The following RANBP10 variants were observed in gnomAD, a reference collection of about 807,000 sequenced individuals.
RANBP10 encodes ran-binding protein 10.
RANBP10 carries 24 observed loss-of-function variants against 72.8 expected under a neutral mutation model. The observed-to-expected ratio is 0.33, with a 90% CI of 0.24 to 0.46. The LOEUF is 0.46. Ranked by LOEUF, RANBP10 falls within the 20% of genes least tolerant of loss-of-function variation. The probability of loss-of-function intolerance (pLI) is 1.00; values close to 1 mark genes in which losing one functional copy is unlikely to be tolerated. For synonymous variants in RANBP10, 310 were observed against 322.3 expected (o/e 0.96, Z 0.41); for missense variants, 679 against 817.5 (o/e 0.83, Z 2.07).
rs2054419809 is a variant in RANBP10, at chr16:67,762,574, GA to G, written c.400+9459del. The stretch of plus-strand genomic sequence containing the variant: ...AATGTGAGTCAGGAGTGGATTCAAT[GA>G]CACTTAGTCCTGACATACAGAAAAG... On this transcript the variant is annotated intron_variant, in intron 3 of 13. Transcript: ENST00000317506. 2.0e-5 allele frequency: 3 copies of G among 152,136 alleles called. No homozygotes were observed. In the South Asian group the frequency reaches 6.2e-4, roughly 31 times the overall value. 9.4% of individuals were successfully genotyped at this position (152,136 alleles called of 1,614,324 possible).
chr16:67,760,757 G>A (rs760467225), intron 3 of RANBP10, among the ~76,000 whole-genome samples: 1 of 152,154 alleles, frequency 6.6e-6, no homozygotes, highest in Non-Finnish European at 1.5e-5. Flanking sequence ...ATGTCACACC[G>A]AGCGAACAGC....
chr16:67,751,943 A>G (rs2143007975), intron 3 of RANBP10, among the ~76,000 whole-genome samples: 1 of 152,216 alleles, frequency 6.6e-6, no homozygotes, highest in East Asian at 1.9e-4. Context: ...GGCTATAAAT[A>G]TGGATTTTAA....
At position 67,729,608 on chromosome 16, in the gene RANBP10, A is replaced by G; in HGVS notation, c.1147+72T>C. 1 of 1,560,110 alleles carries G rather than the reference A, an allele frequency of 6.4e-7. No individual in the cohort carries two copies. Among genetic ancestry groups the G allele is most frequent in the Non-Finnish European group, 8.7e-7 (1 of 1,153,742 alleles). On this transcript the variant is annotated intron_variant, in intron 9 of 13. Coordinates refer to ENST00000317506, the MANE Select transcript of RANBP10 (RefSeq NM_020850.3). The surrounding 1 kb of genome is among the most constrained non-coding windows in gnomAD (Gnocchi z 7.1). The stretch of plus-strand genomic sequence containing the variant: ...CAGCAGTGAGCCCTGAGCCCAGCCC[A>G]GGAAAGGGTATGTGGAGTGGCCTCT...
At chr16:67,731,336 T>C (rs2053726336) in intron 7 of RANBP10, 136 bp downstream of exon 7, 1 of 673,826 alleles carries the variant, frequency 1.5e-6, no homozygotes. Flanking sequence ...GACAGGAACA[T>C]GGCCTCGAGC....
intron 2 of RANBP10, among the ~76,000 whole-genome samples, chr16:67,803,479 C>T (rs1011852842): frequency 2.6e-5 from 4 of 151,920 alleles, no homozygotes; most frequent in Admixed American, 2.6e-4. Flanking sequence ...GGAGAAACCC[C>T]ATCTCTACTA....
chr16:67,767,540 T>C (rs1240721565), intron 3 of RANBP10, among the ~76,000 whole-genome samples: 8 of 150,072 alleles, frequency 5.3e-5, no homozygotes, highest in African/African-American at 1.5e-4. Flanking sequence ...GATGAGAGGA[T>C]TGCTTGAGCC....
At chr16:67,734,117 C>A (rs988006403) in intron 6 of RANBP10, among the ~76,000 whole-genome samples, 1 of 152,198 alleles carries the variant, frequency 6.6e-6, no homozygotes, top group Non-Finnish European at 1.5e-5. Flanking sequence ...TCAGTGTGTA[C>A]CCCAACCCCA....
rs143933147 is a variant in RANBP10 at position 67,805,553 on chromosome 16, G to A, written c.236-14C>T. ...TTTTGCCATGACCTAACAGGAGAGG[G>A]CAAGTAAGAAATTTCAGCAGAAGGA... On this transcript the variant is annotated splice_polypyrimidine_tract_variant and intron_variant, in intron 1 of 13. Transcript: ENST00000317506. The A allele has an allele frequency of 1.9e-6, 3 of 1,607,844 alleles. No individual in the cohort carries two copies. The highest frequency in any genetic ancestry group is 4.5e-5 in the East Asian group (2 of 44,834).
At chr16:67,747,247 T>C (rs925683276) in intron 3 of RANBP10, among the ~76,000 whole-genome samples, 3 of 152,222 alleles carry the variant, frequency 2.0e-5, no homozygotes, top group Non-Finnish European at 4.4e-5. Flanking sequence ...TTTAATATCA[T>C]TGTGGTTTTA....
Position 67,783,871 on chromosome 16 carries a change from A to G in RANBP10, c.348-11785T>C, listed in dbSNP as rs577579129. ...AGCCTAGCCAAGATGGTAAAACCCC[A>G]TCTCTACTAAAAATACAAAAAAATT... On this transcript the variant is annotated intron_variant, in intron 2 of 13. Coordinates refer to ENST00000317506, the MANE Select transcript of RANBP10 (RefSeq NM_020850.3). 3.3e-5 allele frequency among the ~76,000 whole-genome samples: 5 copies of G among 152,062 alleles called. No individual in the cohort carries two copies. In the South Asian group the frequency reaches 1.0e-3, roughly 32 times the overall value.
In RANBP10 at chr16:67,754,017, CCA is replaced by C. The variant is rs375373345; in HGVS notation, c.401-9564_401-9563del. 3.9e-3 allele frequency among the ~76,000 whole-genome samples: 599 copies of C among 151,902 alleles called. 6 individuals carry two copies. Among genetic ancestry groups the C allele is most frequent in the African/African-American group, 0.013 (549 of 41,400 alleles). On this transcript the variant is annotated intron_variant, in intron 3 of 13. Coordinates refer to ENST00000317506, the MANE Select transcript of RANBP10 (RefSeq NM_020850.3). ...AGCGTGGTGGCGGGCACCTGTAGTC[CCA>C]GTTACTCAGGAGGCTGAGGCAGGAG...
chr16:67,778,546 C>G (rs920173292), intron 2 of RANBP10, among the ~76,000 whole-genome samples: 2 of 152,066 alleles, frequency 1.3e-5, no homozygotes, highest in Non-Finnish European at 2.9e-5. Context: ...ATAAAGTAAA[C>G]TTCATCAAAC....
intron 5 of RANBP10, among the ~76,000 whole-genome samples, chr16:67,737,671 C>T (rs1013223447): frequency 1.3e-5 from 2 of 152,174 alleles, no homozygotes; most frequent in African/African-American, 2.4e-5. Context: ...GGAACAATTC[C>T]CTACACTCTG....
At chr16:67,805,208 C>A (rs2055334434) in intron 2 of RANBP10, among the ~76,000 whole-genome samples, 1 of 152,198 alleles carries the variant, frequency 6.6e-6, no homozygotes, top group African/African-American at 2.4e-5. Flanking sequence ...CAAATTACAT[C>A]ATCACTAAAA....
chr16:67,726,701 G>A, intron 13 of RANBP10, 143 bp from the exon 14 acceptor site: 3 of 1,071,650 alleles, frequency 2.8e-6, no homozygotes, highest in Admixed American at 2.9e-5. Context: ...GTGTGTCCCA[G>A]CCACCAGGCC....
intron 3 of RANBP10, among the ~76,000 whole-genome samples, chr16:67,767,742 G>A (rs2054530931): frequency 1.3e-5 from 2 of 151,970 alleles, no homozygotes; most frequent in Admixed American, 1.3e-4. Flanking sequence ...GAGTACAGGC[G>A]CCCACCACCG....
intron 2 of RANBP10, among the ~76,000 whole-genome samples, chr16:67,780,604 C>G (rs2054793140): frequency 1.3e-5 from 2 of 152,132 alleles, no homozygotes; most frequent in African/African-American, 4.8e-5. Flanking sequence ...AGAAAGGGTA[C>G]AGCTGATCAA....
chr16:67,727,579 C>T lies in RANBP10; in HGVS notation c.1621-141G>A. The T allele has an allele frequency of 3.0e-6, 4 of 1,328,146 alleles. No individual in the cohort carries two copies. In the South Asian group the frequency reaches 5.0e-5, roughly 17 times the overall value. 82.3% of individuals were successfully genotyped at this position (1,328,146 alleles called of 1,614,324 possible). A position where few individuals can be genotyped will look rare whatever the true frequency, so the allele number is the denominator to read the frequency against. On this transcript the variant is annotated intron_variant, in intron 12 of 13. Transcript: ENST00000317506. ...TAGGGTCGGGCAGGGCTGTACTCTC[C>T]CCAGAGCCTAGGTGTGGAGGGCACA...
chr16:67,738,048 A>G lies in RANBP10; in HGVS notation c.569-13T>C, dbSNP rs780575075. 55 of 1,586,808 alleles carry G rather than the reference A, an allele frequency of 3.5e-5. No homozygotes were observed. In the East Asian group the frequency reaches 1.2e-3, roughly 36 times the overall value. On this transcript the variant is annotated splice_polypyrimidine_tract_variant and intron_variant, in intron 4 of 13. Transcript: ENST00000317506. ...GTGAAGGCTATACCTGTGGGGGGAA[A>G]GGAACAGTCATCAGGGCCAGCCCCT... is the stretch of plus-strand genomic sequence containing the variant.
Sources: allele counts gnomAD v4.1 joint callset (sites outside exome capture counted in the v4.1 genomes callset), GRCh38; gene constraint gnomAD v4.1.1; non-coding constraint Gnocchi (gnomAD v3.1); transcripts MANE v1.5; gene names NCBI Gene and HGNC (gene_info 2026-07-23, HGNC 2026-07-21).